ADARB2: variants seen among roughly 807,000 people sequenced by gnomAD.
ADARB2 encodes adenosine deaminase RNA specific B2 (inactive).
A neutral mutation model predicts 62.2 loss-of-function variants in ADARB2; 25 were observed. The ratio of observed to expected loss-of-function variants is 0.40; its 90% CI spans 0.29 to 0.56. The LOEUF is 0.56. ADARB2 is among the 20% of genes least tolerant of loss of function. The pLI, the probability that ADARB2 is intolerant of heterozygous loss-of-function variation, is 0.43. For missense variants in ADARB2, 1,071 were observed against 1,077.4 expected (o/e 0.99, Z 0.08); for synonymous variants, 572 against 500.8 (o/e 1.14, Z -1.90).
At chr10:1,589,946 T>C (rs1833230856) in intron 1 of ADARB2, among the ~76,000 whole-genome samples, 1 of 152,120 alleles carries the variant, frequency 6.6e-6, no homozygotes, top group South Asian at 2.1e-4. Context: ...TGTCAAGTGG[T>C]TTTTAAATGG....
chr10:1,327,092 TGCACAGCGCCTCCCCACG>T lies in ADARB2; in HGVS notation c.1077+35918_1077+35935del, dbSNP rs1831865680. On this transcript the variant is annotated intron_variant, in intron 3 of 9. Transcript: ENST00000381312. ...TCCCCACTGCACAGCGCCTCCTCAC[TGCACAGCGCCTCCCCACG>T]GCACAGCGCCTCACTGCACAGCGCC... Among the ~76,000 whole-genome samples, 5 of 32,204 alleles carry T rather than the reference TGCACAGCGCCTCCCCACG, an allele frequency of 1.6e-4. 1 individual carries two copies. The highest frequency in any genetic ancestry group is 2.5e-4 in the Admixed American group (1 of 3,962). 21.1% of individuals were successfully genotyped at this position (32,204 alleles called of 152,430 possible). A position where few individuals can be genotyped will look rare whatever the true frequency, so the allele number is the denominator to read the frequency against.
chr10:1,345,623 G>C (rs749113660), intron 3 of ADARB2, among the ~76,000 whole-genome samples: 1 of 152,186 alleles, frequency 6.6e-6, no homozygotes, highest in Non-Finnish European at 1.5e-5. Flanking sequence ...TGGACAGAAG[G>C]GCTGCTGCTG....
chr10:1,266,127 C>G (rs1019453451), intron 4 of ADARB2, among the ~76,000 whole-genome samples: 1 of 151,898 alleles, frequency 6.6e-6, no homozygotes, highest in Non-Finnish European at 1.5e-5. Context: ...GAGCCAGGTC[C>G]ACGCTCTCCC....
intron 1 of ADARB2, among the ~76,000 whole-genome samples, chr10:1,635,365 C>T (rs932597850): frequency 4.6e-5 from 7 of 152,172 alleles, no homozygotes; most frequent in East Asian, 1.9e-4. Context: ...GGCAGGTGCA[C>T]GTCCTATGTA....
intron 1 of ADARB2, chr10:1,556,529 C>T: frequency 7.7e-6 from 3 of 389,058 alleles, no homozygotes; most frequent in South Asian, 5.9e-5. Context: ...ATTCGAATCA[C>T]CTGGGATCTT....
At chr10:1,463,254 C>T (rs1391573859) in intron 1 of ADARB2, among the ~76,000 whole-genome samples, 1 of 152,152 alleles carries the variant, frequency 6.6e-6, no homozygotes, top group Non-Finnish European at 1.5e-5. Flanking sequence ...CTCTCTGGGG[C>T]GTTCACAGCA....
intron 1 of ADARB2, among the ~76,000 whole-genome samples, chr10:1,673,405 A>G (rs1362334844): frequency 2.0e-5 from 3 of 151,968 alleles, no homozygotes; most frequent in Non-Finnish European, 4.4e-5. Flanking sequence ...CTGGGACTTA[A>G]AATATCCTAA....
chr10:1,450,195 G>T (rs1405436876), intron 1 of ADARB2, among the ~76,000 whole-genome samples: 1 of 152,168 alleles, frequency 6.6e-6, no homozygotes, highest in Non-Finnish European at 1.5e-5. Flanking sequence ...GCATAGCCCT[G>T]GTCCTCAGTT....
At chr10:1,316,569 G>C (rs1831741948) in intron 3 of ADARB2, among the ~76,000 whole-genome samples, 1 of 152,182 alleles carries the variant, frequency 6.6e-6, no homozygotes, top group East Asian at 1.9e-4. Flanking sequence ...ACCCGGAATA[G>C]GATTGTTTAA....
chr10:1,693,960 C>T (rs930350126), intron 1 of ADARB2, among the ~76,000 whole-genome samples: 3 of 152,200 alleles, frequency 2.0e-5, no homozygotes, highest in African/African-American at 7.2e-5. Context: ...AACACTAGTT[C>T]CTTGGAATGG....
intron 3 of ADARB2, among the ~76,000 whole-genome samples, chr10:1,301,866 G>A (rs998163644): frequency 1.2e-4 from 19 of 152,234 alleles, no homozygotes; most frequent in Admixed American, 5.2e-4. Context: ...CTCCACACAT[G>A]CACCTGCTCC....
chr10:1,230,328 A>G (rs1485007043), intron 6 of ADARB2, among the ~76,000 whole-genome samples: 1 of 151,790 alleles, frequency 6.6e-6, no homozygotes, highest in Non-Finnish European at 1.5e-5. Context: ...CCAGCTGCAG[A>G]CCTCTGGGAA....
intron 3 of ADARB2, among the ~76,000 whole-genome samples, chr10:1,293,209 AGGG>A (rs1831490248): frequency 1.1e-5 from 1 of 94,320 alleles, no homozygotes; most frequent in Non-Finnish European, 2.0e-5. Flanking sequence ...AAAAAGAGGG[AGGG>A]AGGGAGAGAG....
intron 1 of ADARB2, among the ~76,000 whole-genome samples, chr10:1,533,138 A>T (rs797016611): frequency 8.9e-5 from 13 of 145,612 alleles, no homozygotes; most frequent in African/African-American, 3.1e-4. Flanking sequence ...TTTTTTTCTG[A>T]GATGGAGCCT....
At chr10:1,279,334 G>C (rs1172800740) in intron 3 of ADARB2, among the ~76,000 whole-genome samples, 1 of 152,150 alleles carries the variant, frequency 6.6e-6, no homozygotes, top group Non-Finnish European at 1.5e-5. Flanking sequence ...GTTTGATTTT[G>C]AGACATAGTC....
rs897504524 is a variant in ADARB2 at position 1,329,304 on chromosome 10, A to C, written c.1077+33724T>G. Among the ~76,000 whole-genome samples, 40 of 152,264 alleles carry C rather than the reference A, an allele frequency of 2.6e-4. 1 individual carries two copies. Among genetic ancestry groups the C allele is most frequent in the Non-Finnish European group, 5.0e-4 (34 of 68,048 alleles). On this transcript the variant is annotated intron_variant, in intron 3 of 9. Coordinates refer to ENST00000381312, the MANE Select transcript of ADARB2 (RefSeq NM_018702.4). ...CAGTAATGAACATGTGAATAAAAAA[A>C]TAAAAACCTCTACTGTTAAATTTGT...
chr10:1,375,787 T>TGCACACACGCACACACACAC (rs1832418499), intron 2 of ADARB2, among the ~76,000 whole-genome samples: 1 of 146,212 alleles, frequency 6.8e-6, no homozygotes, highest in Non-Finnish European at 1.5e-5. Flanking sequence ...TGCACACACA[T>TGCACACACGCACACACACAC]GCACACACGC....
intron 8 of ADARB2, chr10:1,187,847 C>T: frequency 2.3e-6 from 1 of 438,852 alleles, no homozygotes; most frequent in South Asian, 1.6e-5. Flanking sequence ...CTTCTTCTCA[C>T]CAGGGTGTGG....
intron 4 of ADARB2, among the ~76,000 whole-genome samples, chr10:1,249,441 CAAAAAA>C: frequency 1.3e-5 from 1 of 74,418 alleles, no homozygotes; most frequent in East Asian, 5.1e-4. Context: ...GACCCTGTCT[CAAAAAA>C]AAAAAAAAAA....
Sources: allele counts gnomAD v4.1 joint callset (sites outside exome capture counted in the v4.1 genomes callset), GRCh38; gene constraint gnomAD v4.1.1; transcripts MANE v1.5; gene names NCBI Gene and HGNC (gene_info 2026-07-23, HGNC 2026-07-21).